The following TENM2 variants were observed in gnomAD, a reference collection of about 807,000 sequenced individuals.
TENM2 encodes the protein teneurin-2.
In TENM2, 52 loss-of-function variants were observed where a neutral mutation model predicts 245.2. The observed-to-expected ratio is 0.21, with a 90% CI of 0.17 to 0.27. TENM2 has a LOEUF of 0.27. Ranked by LOEUF, TENM2 falls within the 10% of genes least tolerant of loss-of-function variation. The probability of loss-of-function intolerance (pLI) is 1.00; values close to 1 mark genes in which losing one functional copy is unlikely to be tolerated. For synonymous variants in TENM2, 1,363 were observed against 1,438.9 expected, an observed-to-expected ratio of 0.95 and a Z score of 1.19; for missense variants, 3,046 against 3,666.8, an observed-to-expected ratio of 0.83 and a Z score of 4.37.
chr5:168,054,583 C>G (rs2152067987), intron 6 of TENM2, among the ~76,000 whole-genome samples: 1 of 152,320 alleles, frequency 6.6e-6, no homozygotes, highest in East Asian at 1.9e-4. Context: ...CTTCATTTCC[C>G]TGGTATGACT....
At chr5:167,683,249 C>CA (rs544021698) in intron 2 of TENM2, among the ~76,000 whole-genome samples, 1 of 67,364 alleles carries the variant, frequency 1.5e-5, no homozygotes, top group Non-Finnish European at 2.5e-5. Context: ...AGGACCATGT[C>CA]TTTTTTTTTT....
At position 168,039,580 on chromosome 5, in the gene TENM2, G is replaced by T. The variant is rs146975845; in HGVS notation, c.1187-7847G>T. Among the ~76,000 whole-genome samples, 407 of 152,134 alleles carry T rather than the reference G, an allele frequency of 2.7e-3. 1 individual carries two copies. Among genetic ancestry groups the T allele is most frequent in the Non-Finnish European group, 4.3e-3 (295 of 68,008 alleles). ...AGGAAAAAAATTGCAGCAGGAACGG[G>T]GTGGTCTGCGGTGGGAAACGACACT... On this transcript the variant is annotated intron_variant, in intron 5 of 28. Transcript: ENST00000518659.
chr5:168,191,044 T>G (rs1159916350), intron 14 of TENM2, among the ~76,000 whole-genome samples: 1 of 146,414 alleles, frequency 6.8e-6, no homozygotes, highest in Non-Finnish European at 1.5e-5. Flanking sequence ...CCAGAGACTT[T>G]GTGTAGATTA....
chr5:167,454,860 T>G (rs1765818513), intron 2 of TENM2, among the ~76,000 whole-genome samples: 1 of 152,152 alleles, frequency 6.6e-6, no homozygotes, highest in African/African-American at 2.4e-5. Flanking sequence ...GAGTTACATG[T>G]CCATGATGAA....
At chr5:168,234,933 G>A (rs1765289169) in intron 25 of TENM2, among the ~76,000 whole-genome samples, 1 of 152,136 alleles carries the variant, frequency 6.6e-6, no homozygotes, top group Non-Finnish European at 1.5e-5. Context: ...TAGTAATTTT[G>A]TTTTGGCTCC....
intron 5 of TENM2, among the ~76,000 whole-genome samples, chr5:168,005,427 C>T (rs773188657): frequency 2.0e-5 from 3 of 152,196 alleles, no homozygotes; most frequent in African/African-American, 7.2e-5. Flanking sequence ...ATTTTGCCCA[C>T]GCCCTTTGTA....
intron 2 of TENM2, among the ~76,000 whole-genome samples, chr5:167,833,081 A>G (rs1404431098): frequency 6.6e-6 from 1 of 152,194 alleles, no homozygotes; most frequent in African/African-American, 2.4e-5. Context: ...CCCTTTTAGT[A>G]GAAAGGTATG....
At chr5:167,970,721 T>A (rs773457793) in intron 4 of TENM2, among the ~76,000 whole-genome samples, 6 of 152,160 alleles carry the variant, frequency 3.9e-5, no homozygotes, top group Non-Finnish European at 8.8e-5. Context: ...AGTTCTGTGT[T>A]TAATTAGATA....
chr5:168,033,424 A>G (rs892260372), intron 5 of TENM2, among the ~76,000 whole-genome samples: 1 of 152,140 alleles, frequency 6.6e-6, no homozygotes, highest in Non-Finnish European at 1.5e-5. Context: ...CTTATGTGTA[A>G]AGTGAGGATA....
the TENM2 span, among the ~76,000 whole-genome samples, chr5:167,167,057 C>T: frequency 6.6e-6 from 1 of 152,084 alleles, no homozygotes; most frequent in Non-Finnish European, 1.5e-5. Flanking sequence ...GGATGACTGT[C>T]TTACAAAAAT....
At chr5:167,499,998 G>A (rs1251202595) in intron 2 of TENM2, among the ~76,000 whole-genome samples, 1 of 148,282 alleles carries the variant, frequency 6.7e-6, no homozygotes, top group Non-Finnish European at 1.5e-5. Flanking sequence ...GTATGTGAGG[G>A]TGTATGTGTG....
Position 168,014,481 on chromosome 5 carries a change from T to C in TENM2, c.1186+21299T>C, listed in dbSNP as rs183596302. Among the ~76,000 whole-genome samples the C allele has an allele frequency of 3.5e-4, 54 of 152,308 alleles. No individual in the cohort carries two copies. In the East Asian group the frequency reaches 9.5e-3, roughly 27 times the overall value. On this transcript the variant is annotated intron_variant, in intron 5 of 28. Coordinates refer to ENST00000518659, the Ensembl canonical transcript of TENM2. Reference sequence around the variant, plus strand: ...ACCACAGCTATCTTCATCTCTGGTATAATAGGTTTCCTGCTCATCAATGCC... The same window carrying C: ...ACCACAGCTATCTTCATCTCTGGTACAATAGGTTTCCTGCTCATCAATGCC...
the TENM2 span, among the ~76,000 whole-genome samples, chr5:167,039,258 G>C: frequency 3.3e-5 from 5 of 152,044 alleles, no homozygotes; most frequent in Admixed American, 3.3e-4. Flanking sequence ...GACAAAGACT[G>C]ACTGGCTCAA....
At chr5:167,225,641 T>A in the TENM2 span, among the ~76,000 whole-genome samples, 1 of 151,934 alleles carries the variant, frequency 6.6e-6, no homozygotes, top group African/African-American at 2.4e-5. Flanking sequence ...TTTGTTATGT[T>A]CTTGTCTGGG....
chr5:167,988,556 A>G (rs988428791), intron 4 of TENM2, among the ~76,000 whole-genome samples: 9 of 152,204 alleles, frequency 5.9e-5, no homozygotes. Flanking sequence ...AGTTGTGCAG[A>G]TATTTCCAGG....
At chr5:167,605,287 C>T (rs1031500554) in intron 2 of TENM2, among the ~76,000 whole-genome samples, 3 of 152,036 alleles carry the variant, frequency 2.0e-5, no homozygotes, top group African/African-American at 7.2e-5. Flanking sequence ...TTAAAAAATT[C>T]TTTTTTATAT....
At chr5:167,662,997 T>C (rs1055514943) in intron 2 of TENM2, among the ~76,000 whole-genome samples, 16 of 152,204 alleles carry the variant, frequency 1.1e-4, no homozygotes, top group African/African-American at 3.9e-4. Context: ...TATTTTAACC[T>C]CTGTGTCTCT....
At chr5:167,987,710 C>T (rs1223809500) in intron 4 of TENM2, among the ~76,000 whole-genome samples, 1 of 151,970 alleles carries the variant, frequency 6.6e-6, no homozygotes, top group Non-Finnish European at 1.5e-5. Context: ...ACACTGAGTG[C>T]CGCGTTAAAA....
At chr5:167,682,927 G>A (rs532856490) in intron 2 of TENM2, among the ~76,000 whole-genome samples, 1 of 152,160 alleles carries the variant, frequency 6.6e-6, no homozygotes, top group Admixed American at 6.5e-5. Flanking sequence ...TTGTTTTATT[G>A]GTGAGGAGAC....
Sources: allele counts gnomAD v4.1 joint callset (sites outside exome capture counted in the v4.1 genomes callset), GRCh38; gene constraint gnomAD v4.1.1; transcripts MANE v1.5; gene names NCBI Gene and HGNC (gene_info 2026-07-23, HGNC 2026-07-21).